The following DRC11 variants were observed in gnomAD, a reference collection of about 807,000 sequenced individuals.
DRC11 encodes the protein dynein regulatory complex subunit 11.
chr2:236,357,782 T>C, the DRC11 span, among the ~76,000 whole-genome samples: 4 of 126,092 alleles, frequency 3.2e-5, no homozygotes, highest in Non-Finnish European at 6.2e-5. Context: ...TAAATATATG[T>C]TATATATACA....
At chr2:236,317,471 C>T in the DRC11 span, among the ~76,000 whole-genome samples, 1 of 152,170 alleles carries the variant, frequency 6.6e-6, no homozygotes, top group East Asian at 1.9e-4. The surrounding 1 kb of genome is among the most constrained non-coding windows in gnomAD (Gnocchi z 5.4). Flanking sequence ...AATGAATACA[C>T]ACTCTTTACT....
chr2:236,459,136 T>C, the DRC11 span, among the ~76,000 whole-genome samples: 13 of 152,044 alleles, frequency 8.6e-5, no homozygotes, highest in East Asian at 2.3e-3. Flanking sequence ...ATAACTACAT[T>C]TTAGAGATCA....
At chr2:236,315,606 A>C in the DRC11 span, among the ~76,000 whole-genome samples, 1 of 152,204 alleles carries the variant, frequency 6.6e-6, no homozygotes, top group Non-Finnish European at 1.5e-5. This position sits in a 1 kb window ranked among gnomAD's most constrained non-coding sequence, Gnocchi z 5.1. Context: ...CTCAACCCAA[A>C]TGCCCATCAA....
the DRC11 span, among the ~76,000 whole-genome samples, chr2:236,445,715 A>C: frequency 6.6e-6 from 1 of 152,070 alleles, no homozygotes; most frequent in Non-Finnish European, 1.5e-5. This position sits in a 1 kb window ranked among gnomAD's most constrained non-coding sequence, Gnocchi z 4.8. Flanking sequence ...CTGAAATTTA[A>C]TTAGTCTTAT....
chr2:236,467,030 T>G, the DRC11 span, among the ~76,000 whole-genome samples: 1 of 152,224 alleles, frequency 6.6e-6, no homozygotes, highest in African/African-American at 2.4e-5. Context: ...ATGTAGAGTT[T>G]CCAGTTCCTT....
At chr2:236,483,574 G>C in the DRC11 span, among the ~76,000 whole-genome samples, 1 of 152,106 alleles carries the variant, frequency 6.6e-6, no homozygotes, top group African/African-American at 2.4e-5. The surrounding 1 kb of genome is among the most constrained non-coding windows in gnomAD (Gnocchi z 4.8). Context: ...CTTCCACCAG[G>C]AAACTAGGCA....
the DRC11 span, among the ~76,000 whole-genome samples, chr2:236,453,644 A>ATT: frequency 6.8e-6 from 1 of 146,252 alleles, no homozygotes; most frequent in Non-Finnish European, 1.5e-5. The surrounding 1 kb of genome is among the most constrained non-coding windows in gnomAD (Gnocchi z 4.9). Flanking sequence ...ACCAATTTTA[A>ATT]TTTTTTTTTT....
chr2:236,476,598 T>G, the DRC11 span, among the ~76,000 whole-genome samples: 1 of 152,238 alleles, frequency 6.6e-6, no homozygotes, highest in South Asian at 2.1e-4. The surrounding 1 kb of genome is among the most constrained non-coding windows in gnomAD (Gnocchi z 4.7). Context: ...TCCAGTATTA[T>G]GTTGAATAAA....
At chr2:236,465,756 A>G in the DRC11 span, 1 of 1,205,172 alleles carries the variant, frequency 8.3e-7, no homozygotes, top group African/African-American at 1.5e-5. The surrounding 1 kb of genome is among the most constrained non-coding windows in gnomAD (Gnocchi z 6.2). Context: ...TAAAAGTTAC[A>G]GAGTTGGTAA....
At chr2:236,497,163 G>C in the DRC11 span, 2 of 1,603,336 alleles carry the variant, frequency 1.2e-6, no homozygotes, top group Non-Finnish European at 8.5e-7. The surrounding 1 kb of genome is among the most constrained non-coding windows in gnomAD (Gnocchi z 5.1). Flanking sequence ...GAGTGCTTAC[G>C]GGGGCCAGCT....
At chr2:236,502,750 T>G in the DRC11 span, among the ~76,000 whole-genome samples, 40,649 of 151,192 alleles carry the variant, frequency 0.27, 10,595 homozygotes, top group African/African-American at 0.67. Context: ...CAAGCAGAAG[T>G]CACTATCTGC....
the DRC11 span, among the ~76,000 whole-genome samples, chr2:236,463,311 T>C: frequency 3.9e-5 from 6 of 152,326 alleles, no homozygotes; most frequent in African/African-American, 1.4e-4. The surrounding 1 kb of genome is among the most constrained non-coding windows in gnomAD (Gnocchi z 5.0). Context: ...ATCAATACTG[T>C]CTGCTCAATT....
chr2:236,469,264 G>A, the DRC11 span, among the ~76,000 whole-genome samples: 4 of 152,268 alleles, frequency 2.6e-5, no homozygotes, highest in Non-Finnish European at 5.9e-5. The surrounding 1 kb of genome is among the most constrained non-coding windows in gnomAD (Gnocchi z 5.8). Flanking sequence ...GGAGTGCAGT[G>A]GCGCGATCTC....
the DRC11 span, among the ~76,000 whole-genome samples, chr2:236,355,541 C>T: frequency 6.6e-6 from 1 of 152,184 alleles, no homozygotes; most frequent in East Asian, 1.9e-4. Context: ...GTGTCCATAC[C>T]CGAGGCTGCA....
At chr2:236,332,651 A>G in the DRC11 span, 1 of 152,250 alleles carries the variant, frequency 6.6e-6, no homozygotes, top group Non-Finnish European at 1.5e-5. This position sits in a 1 kb window ranked among gnomAD's most constrained non-coding sequence, Gnocchi z 5.1. Context: ...ACTACATCAC[A>G]CAAGTATGTT....
chr2:236,356,792 G>A, the DRC11 span, among the ~76,000 whole-genome samples: 1 of 151,292 alleles, frequency 6.6e-6, no homozygotes, highest in African/African-American at 2.4e-5. Flanking sequence ...GGGTGGCGGG[G>A]GTGGTAGGCA....
the DRC11 span, among the ~76,000 whole-genome samples, chr2:236,468,779 T>C: frequency 1.3e-5 from 2 of 152,268 alleles, no homozygotes; most frequent in African/African-American, 2.4e-5. Context: ...CTGCAATAAA[T>C]GACTCAAATT....
chr2:236,457,168 GACA>G, the DRC11 span, among the ~76,000 whole-genome samples: 2 of 152,228 alleles, frequency 1.3e-5, no homozygotes, highest in African/African-American at 4.8e-5. The surrounding 1 kb of genome is among the most constrained non-coding windows in gnomAD (Gnocchi z 4.7). Context: ...GATGTTTTCT[GACA>G]ACAAGTGTAC....
At chr2:236,356,970 T>G in the DRC11 span, among the ~76,000 whole-genome samples, 3 of 81,608 alleles carry the variant, frequency 3.7e-5, no homozygotes, top group Non-Finnish European at 5.0e-5. Flanking sequence ...ATATATATAT[T>G]ATATATTCAT....
Sources: allele counts gnomAD v4.1 joint callset (sites outside exome capture counted in the v4.1 genomes callset), GRCh38; gene constraint gnomAD v4.1.1; non-coding constraint Gnocchi (gnomAD v3.1); transcripts MANE v1.5; gene names NCBI Gene and HGNC (gene_info 2026-07-23, HGNC 2026-07-21).